PTPRD: variants seen among roughly 807,000 people sequenced by gnomAD.
PTPRD encodes the protein protein tyrosine phosphatase receptor type D.
A neutral mutation model predicts 214.5 loss-of-function variants in PTPRD; 34 were observed. That is an observed-to-expected ratio of 0.16 (90% confidence interval 0.12 to 0.21). PTPRD has a LOEUF of 0.21. PTPRD is among the 10% of genes least tolerant of loss of function. PTPRD has a pLI of 1.00. For missense variants in PTPRD, 2,545 were observed against 2,398.7 expected, an observed-to-expected ratio of 1.06 and a Z score of -1.27; for synonymous variants, 1,128 against 845.7, an observed-to-expected ratio of 1.33 and a Z score of -5.79.
intron 12 of PTPRD, among the ~76,000 whole-genome samples, chr9:8,643,137 C>T (rs1440979132): frequency 1.3e-5 from 2 of 152,078 alleles, no homozygotes; most frequent in African/African-American, 4.8e-5. Context: ...AAATACAGCT[C>T]CCAAAACCAC....
chr9:8,471,605 A>G (rs557876073), intron 30 of PTPRD, among the ~76,000 whole-genome samples: 1 of 152,308 alleles, frequency 6.6e-6, no homozygotes, highest in South Asian at 2.1e-4. Context: ...ATAATTGCAC[A>G]GAGTAAGATA....
chr9:9,900,998 T>C (rs964803648), intron 5 of PTPRD, among the ~76,000 whole-genome samples: 1 of 152,152 alleles, frequency 6.6e-6, no homozygotes, highest in African/African-American at 2.4e-5. Flanking sequence ...TGAGTTACTT[T>C]ATAAAGAAAA....
At chr9:9,592,142 C>G (rs630148) in intron 7 of PTPRD, among the ~76,000 whole-genome samples, 1 of 151,946 alleles carries the variant, frequency 6.6e-6, no homozygotes, top group East Asian at 1.9e-4. Context: ...ATAACACTTG[C>G]TATGAAATAA....
intron 5 of PTPRD, among the ~76,000 whole-genome samples, chr9:9,807,322 T>G (rs2153528988): frequency 6.6e-6 from 1 of 152,242 alleles, no homozygotes; most frequent in Non-Finnish European, 1.5e-5. Flanking sequence ...GTCCTCTTCT[T>G]GTTAACACAT....
At chr9:9,607,715 G>T (rs1202171898) in intron 7 of PTPRD, among the ~76,000 whole-genome samples, 6 of 148,618 alleles carry the variant, frequency 4.0e-5, no homozygotes, top group Non-Finnish European at 5.9e-5. Context: ...TATTGCTGAT[G>T]TTATTATAAT....
At chr9:9,418,932 G>C (rs1177717953) in intron 8 of PTPRD, among the ~76,000 whole-genome samples, 1 of 151,836 alleles carries the variant, frequency 6.6e-6, no homozygotes, top group East Asian at 1.9e-4. Context: ...AAGCAAGTTT[G>C]TTTTAATAAG....
chr9:8,969,265 T>A (rs2099221144), intron 11 of PTPRD, among the ~76,000 whole-genome samples: 1 of 152,038 alleles, frequency 6.6e-6, no homozygotes, highest in Non-Finnish European at 1.5e-5. Flanking sequence ...CTCATCAAAT[T>A]CCTGTAGATG....
At chr9:8,368,871 G>C (rs974713474) in intron 39 of PTPRD, among the ~76,000 whole-genome samples, 1 of 151,820 alleles carries the variant, frequency 6.6e-6, no homozygotes, top group Admixed American at 6.6e-5. Context: ...TGGCATAATG[G>C]GTTCCACATG....
intron 8 of PTPRD, among the ~76,000 whole-genome samples, chr9:9,515,612 T>C (rs998051156): frequency 1.3e-5 from 2 of 151,866 alleles, no homozygotes; most frequent in African/African-American, 4.8e-5. Flanking sequence ...ACAATTATGA[T>C]TACAAGATAT....
At chr9:9,726,090 A>C (rs7047812) in intron 7 of PTPRD, among the ~76,000 whole-genome samples, 131,585 of 152,170 alleles carry the variant, frequency 0.86, 57,115 homozygotes, top group African/African-American at 0.93. Flanking sequence ...TTGTTTTTTA[A>C]GGACAACTTG....
chr9:10,277,881 G>T (rs1024328199), intron 3 of PTPRD, among the ~76,000 whole-genome samples: 2 of 152,026 alleles, frequency 1.3e-5, no homozygotes, highest in African/African-American at 2.4e-5. Flanking sequence ...CTTTGAGGCC[G>T]GGCTCGGTGG....
chr9:9,770,381 G>C (rs778437788), intron 5 of PTPRD, among the ~76,000 whole-genome samples: 11 of 152,056 alleles, frequency 7.2e-5, no homozygotes, highest in Middle Eastern at 3.2e-3. Flanking sequence ...AAATACGGTG[G>C]TTTAATCTTA....
chr9:8,777,060 T>G (rs1039600548), intron 11 of PTPRD, among the ~76,000 whole-genome samples: 12 of 151,040 alleles, frequency 7.9e-5, no homozygotes, highest in African/African-American at 2.9e-4. Context: ...GGCTCACTGC[T>G]GCCTCAACCT....
At chr9:9,820,825 C>T (rs969097627) in intron 5 of PTPRD, among the ~76,000 whole-genome samples, 1 of 152,032 alleles carries the variant, frequency 6.6e-6, no homozygotes, top group Non-Finnish European at 1.5e-5. Flanking sequence ...GTTCTCTATT[C>T]TGTTCCATTG....
At chr9:9,156,807 C>A (rs1305271920) in intron 10 of PTPRD, among the ~76,000 whole-genome samples, 1 of 152,134 alleles carries the variant, frequency 6.6e-6, no homozygotes, top group Non-Finnish European at 1.5e-5. Flanking sequence ...AAAACAACAC[C>A]TGATTTTTGA....
At chr9:8,838,566 A>G (rs2097488645) in intron 11 of PTPRD, among the ~76,000 whole-genome samples, 1 of 152,020 alleles carries the variant, frequency 6.6e-6, no homozygotes, top group Non-Finnish European at 1.5e-5. Flanking sequence ...TGAAAAATAA[A>G]AGAGAGAAAA....
intron 8 of PTPRD, among the ~76,000 whole-genome samples, chr9:9,456,723 TA>T (rs1353230221): frequency 6.6e-6 from 1 of 151,894 alleles, no homozygotes; most frequent in African/African-American, 2.4e-5. Context: ...ACATAGTAAA[TA>T]AAATTAATAG....
At chr9:8,911,440 T>TGAGA (rs35690626) in intron 11 of PTPRD, among the ~76,000 whole-genome samples, 2 of 149,014 alleles carry the variant, frequency 1.3e-5, no homozygotes, top group African/African-American at 5.0e-5. Context: ...TGTGTGTGTG[T>TGAGA]GAGAGAGAGA....
At chr9:10,523,734 G>A (rs2053332048) in intron 2 of PTPRD, among the ~76,000 whole-genome samples, 1 of 149,876 alleles carries the variant, frequency 6.7e-6, no homozygotes, top group South Asian at 2.1e-4. Flanking sequence ...AATGGCTATT[G>A]ATTCTCTTTA....
Sources: allele counts gnomAD v4.1 joint callset (sites outside exome capture counted in the v4.1 genomes callset), GRCh38; gene constraint gnomAD v4.1.1; transcripts MANE v1.5; gene names NCBI Gene and HGNC (gene_info 2026-07-23, HGNC 2026-07-21).